Variants in RGPD2 observed in about 807,000 individuals in gnomAD.
The protein encoded by RGPD2 is RANBP2-like and GRIP domain-containing protein 2.
In RGPD2, 2 loss-of-function variants were observed where a neutral mutation model predicts 36.0. That is an observed-to-expected ratio of 0.06 (90% CI 0.02 to 0.17). The LOEUF is 0.17. Ranked by LOEUF, RGPD2 falls within the 10% of genes least tolerant of loss-of-function variation. The pLI, the probability that RGPD2 is intolerant of heterozygous loss-of-function variation, is 1.00. For missense variants in RGPD2, 40 were observed against 464.3 expected (o/e 0.09, Z 8.40); for synonymous variants, 19 against 163.8 (o/e 0.12, Z 6.75).
the RGPD2 span, among the ~76,000 whole-genome samples, chr2:87,847,286 A>T: frequency 6.6e-6 from 1 of 152,358 alleles, no homozygotes; most frequent in South Asian, 2.1e-4. Context: ...TCTATATTCA[A>T]ATCTCATTGC....
At chr2:87,939,541 A>T in the RGPD2 span, among the ~76,000 whole-genome samples, 934 of 152,060 alleles carry the variant, frequency 6.1e-3, 4 homozygotes, top group South Asian at 0.012. Context: ...GGGATTGGAA[A>T]CACATGCTGT....
the RGPD2 span, among the ~76,000 whole-genome samples, chr2:87,882,843 G>T: frequency 6.6e-6 from 1 of 151,882 alleles, no homozygotes; most frequent in Admixed American, 6.6e-5. Flanking sequence ...TATTTTTATT[G>T]TATTATAAAT....
At chr2:87,872,891 C>T in the RGPD2 span, among the ~76,000 whole-genome samples, 1 of 152,190 alleles carries the variant, frequency 6.6e-6, no homozygotes, top group Non-Finnish European at 1.5e-5. Flanking sequence ...TCATGAGTAG[C>T]TGAGATTACA....
At chr2:87,938,147 T>A in the RGPD2 span, among the ~76,000 whole-genome samples, 1 of 151,554 alleles carries the variant, frequency 6.6e-6, no homozygotes. Context: ...ATGTAAATAT[T>A]TGAGTGCATT....
chr2:87,905,591 C>T, the RGPD2 span, among the ~76,000 whole-genome samples: 74 of 151,718 alleles, frequency 4.9e-4, no homozygotes, highest in Non-Finnish European at 1.1e-3. Flanking sequence ...AGCTGTACAG[C>T]CCTTACCAAT....
the RGPD2 span, among the ~76,000 whole-genome samples, chr2:87,930,796 G>C: frequency 6.8e-6 from 1 of 146,524 alleles, no homozygotes; most frequent in Non-Finnish European, 1.5e-5. Context: ...ATCTTGAAAG[G>C]GTGTTATTTG....
the RGPD2 span, among the ~76,000 whole-genome samples, chr2:87,921,428 C>G: frequency 2.6e-5 from 4 of 152,108 alleles, no homozygotes; most frequent in Admixed American, 6.5e-5. Flanking sequence ...TTGAGAACAC[C>G]TGAACTGATC....
At chr2:87,971,797 G>C in the RGPD2 span, among the ~76,000 whole-genome samples, 1 of 152,116 alleles carries the variant, frequency 6.6e-6, no homozygotes, top group Non-Finnish European at 1.5e-5. Context: ...TACAAATAAA[G>C]AAAAACAAAA....
chr2:87,886,450 T>C, the RGPD2 span, among the ~76,000 whole-genome samples: 1 of 151,760 alleles, frequency 6.6e-6, no homozygotes, highest in Non-Finnish European at 1.5e-5. Context: ...TGCACGAGTA[T>C]GTTCTGTGCA....
At chr2:87,852,996 C>A in the RGPD2 span, among the ~76,000 whole-genome samples, 1 of 152,190 alleles carries the variant, frequency 6.6e-6, no homozygotes, top group Non-Finnish European at 1.5e-5. Flanking sequence ...ATTACAAGCA[C>A]CCAGAAATAG....
chr2:87,798,742 C>T (rs1288629900), intron 8 of RGPD2, among the ~76,000 whole-genome samples: 2 of 133,922 alleles, frequency 1.5e-5, no homozygotes, highest in Non-Finnish European at 3.3e-5. Context: ...GTGGCGGGCG[C>T]CTGTAGTCCC....
At chr2:87,894,714 G>A in the RGPD2 span, among the ~76,000 whole-genome samples, 166 of 143,486 alleles carry the variant, frequency 1.2e-3, 1 homozygote, top group Middle Eastern at 7.0e-3. Flanking sequence ...GGAATGCGTC[G>A]TATACTCATA....
At chr2:87,878,547 A>C in the RGPD2 span, among the ~76,000 whole-genome samples, 1 of 152,214 alleles carries the variant, frequency 6.6e-6, no homozygotes, top group East Asian at 1.9e-4. Context: ...AAGTGTAATT[A>C]GTATATCCAT....
chr2:87,973,289 G>C, the RGPD2 span, among the ~76,000 whole-genome samples: 2 of 144,864 alleles, frequency 1.4e-5, no homozygotes, highest in African/African-American at 5.0e-5. Flanking sequence ...CGCTATCGCC[G>C]TTTAACTGGC....
At chr2:87,864,677 CT>C in the RGPD2 span, among the ~76,000 whole-genome samples, 2 of 152,286 alleles carry the variant, frequency 1.3e-5, no homozygotes, top group African/African-American at 4.8e-5. Flanking sequence ...TCTCTTGCCC[CT>C]TTTTCTCTGG....
chr2:87,919,977 C>T, the RGPD2 span, among the ~76,000 whole-genome samples: 14 of 151,912 alleles, frequency 9.2e-5, 1 homozygote, highest in African/African-American at 3.4e-4. Context: ...TGCCATAGTG[C>T]ATTCCTATAA....
At chr2:87,910,505 C>T in the RGPD2 span, among the ~76,000 whole-genome samples, 1 of 152,260 alleles carries the variant, frequency 6.6e-6, no homozygotes, top group East Asian at 1.9e-4. Flanking sequence ...CTTGTAGGTA[C>T]AAAGAATTAT....
At chr2:87,772,845 T>C (rs1375667161) in intron 21 of RGPD2, among the ~76,000 whole-genome samples, 1 of 150,904 alleles carries the variant, frequency 6.6e-6, no homozygotes, top group Non-Finnish European at 1.5e-5. Context: ...CAGGAGAGGA[T>C]GCATCCTGTG....
the RGPD2 span, among the ~76,000 whole-genome samples, chr2:87,978,320 C>A: frequency 7.6e-6 from 1 of 131,620 alleles, no homozygotes; most frequent in Non-Finnish European, 1.6e-5. Flanking sequence ...AGAAACTTCA[C>A]AAAAATATAC....
Sources: gnomAD v4.1 joint callset for allele counts (sites outside exome capture counted in the v4.1 genomes callset) on GRCh38, gnomAD v4.1.1 for gene constraint, MANE v1.5 for transcripts, NCBI Gene and HGNC (gene_info 2026-07-23, HGNC 2026-07-21) for gene names.